GRIK2: variants seen among roughly 807,000 people sequenced by gnomAD.
GRIK2 encodes glutamate receptor ionotropic, kainate 2.
GRIK2 carries 32 observed loss-of-function variants against 100.3 expected under a neutral mutation model. That is an observed-to-expected ratio of 0.32 (90% CI 0.24 to 0.43). The LOEUF (loss-of-function observed/expected upper bound fraction) is 0.43. GRIK2 is among the 20% of genes least tolerant of loss of function. The pLI is 1.00. For missense variants in GRIK2, 843 were observed against 1,114.9 expected (o/e 0.76, Z 3.47); for synonymous variants, 417 against 389.4 (o/e 1.07, Z -0.83).
chr6:101,962,097 G>T (rs1490432589), intron 14 of GRIK2, among the ~76,000 whole-genome samples: 1 of 152,142 alleles, frequency 6.6e-6, no homozygotes, highest in Non-Finnish European at 1.5e-5. Flanking sequence ...TGACACAGGG[G>T]TGAGGGGAGC....
chr6:101,477,799 G>A (rs1228997492), intron 2 of GRIK2, among the ~76,000 whole-genome samples: 1 of 152,168 alleles, frequency 6.6e-6, no homozygotes, highest in African/African-American at 2.4e-5. Context: ...ACTTCAAATA[G>A]ATTAAGCACT....
intron 14 of GRIK2, chr6:101,993,914 A>C (rs1370958157): frequency 6.8e-6 from 1 of 146,226 alleles, no homozygotes; most frequent in Non-Finnish European, 1.5e-5. Context: ...ATATATTAAT[A>C]TACATTGTAT....
chr6:101,779,503 A>G (rs1297512824), intron 7 of GRIK2, among the ~76,000 whole-genome samples: 1 of 152,240 alleles, frequency 6.6e-6, no homozygotes, highest in East Asian at 1.9e-4. Context: ...TGCAAAACAA[A>G]ACAAGTTTTT....
intron 2 of GRIK2, among the ~76,000 whole-genome samples, chr6:101,535,551 C>A (rs567467194): frequency 2.1e-4 from 32 of 151,792 alleles, no homozygotes; most frequent in Non-Finnish European, 4.0e-4. Context: ...GGTAATCAAA[C>A]AATTACCAAT....
chr6:101,694,629 G>A (rs1772347936), intron 7 of GRIK2, among the ~76,000 whole-genome samples: 2 of 151,954 alleles, frequency 1.3e-5, no homozygotes, highest in East Asian at 3.9e-4. Flanking sequence ...GTTTATTACT[G>A]TAACTATAGT....
At chr6:101,960,879 G>A (rs1359713605) in intron 14 of GRIK2, among the ~76,000 whole-genome samples, 1 of 152,170 alleles carries the variant, frequency 6.6e-6, no homozygotes, top group Non-Finnish European at 1.5e-5. Context: ...TGTTTACTGA[G>A]AAGGGCTCTG....
rs550470427 is a variant in GRIK2 at position 101,747,230 on chromosome 6, A to T, written c.952-52418A>T. On this transcript the variant is annotated intron_variant, in intron 7 of 16. Coordinates refer to ENST00000369134, the MANE Select transcript of GRIK2 (RefSeq NM_021956.5). ...AGAATTTTAACACTTGGAACCCTTTAAAGGAACCCTTTAGCTTTCTGCCTA... is the reference window on the plus strand; with the variant it reads ...AGAATTTTAACACTTGGAACCCTTTTAAGGAACCCTTTAGCTTTCTGCCTA... 3.3e-5 allele frequency among the ~76,000 whole-genome samples: 5 copies of T among 152,294 alleles called. No homozygotes were observed. In the South Asian group the frequency reaches 1.0e-3, roughly 32 times the overall value.
chr6:102,021,931 C>T (rs1191372860), intron 14 of GRIK2, among the ~76,000 whole-genome samples: 8 of 147,242 alleles, frequency 5.4e-5, no homozygotes, highest in East Asian at 2.0e-4. Context: ...TCAAACACAA[C>T]GTGGCCAGGA....
intron 10 of GRIK2, among the ~76,000 whole-genome samples, chr6:101,832,834 A>G (rs1298559060): frequency 1.4e-4 from 21 of 152,224 alleles, no homozygotes; most frequent in South Asian, 4.1e-4. Flanking sequence ...CTGTAATCAA[A>G]GAACTGTCTA....
intron 2 of GRIK2, among the ~76,000 whole-genome samples, chr6:101,428,097 T>C (rs1769148453): frequency 6.6e-6 from 1 of 152,222 alleles, no homozygotes; most frequent in East Asian, 1.9e-4. Context: ...AATCCACATT[T>C]TATCACCTAT....
intron 12 of GRIK2, among the ~76,000 whole-genome samples, chr6:101,908,794 C>T (rs1037828085): frequency 5.2e-5 from 2 of 38,492 alleles, no homozygotes; most frequent in African/African-American, 2.5e-4. Flanking sequence ...ATATAATGTT[C>T]ATAGCACATT....
At chr6:101,695,481 A>G (rs536417297) in intron 7 of GRIK2, among the ~76,000 whole-genome samples, 28 of 152,272 alleles carry the variant, frequency 1.8e-4, no homozygotes, top group South Asian at 1.0e-3. Flanking sequence ...GTGAATAGTA[A>G]GCAATATTCA....
chr6:101,690,865 T>G (rs562954093), intron 7 of GRIK2, among the ~76,000 whole-genome samples: 8 of 152,330 alleles, frequency 5.3e-5, no homozygotes, highest in African/African-American at 1.9e-4. Context: ...TTCTGTTACC[T>G]TTTAGATTGA....
Position 102,040,431 on chromosome 6 carries a change from T to C in GRIK2, c.2311+4865T>C, listed in dbSNP as rs547360962. Among the ~76,000 whole-genome samples, 33 of 151,690 alleles carry C rather than the reference T, an allele frequency of 2.2e-4. 2 individuals are homozygous for C. In the South Asian group the frequency reaches 6.8e-3, roughly 31 times the overall value. ...TAACTTTTATCAAATTATAATGTAC[T>C]TACCCATAATTAGCCTAAAGTAAAA... On this transcript the variant is annotated intron_variant, in intron 15 of 16. Coordinates refer to ENST00000369134, the MANE Select transcript of GRIK2 (RefSeq NM_021956.5).
chr6:101,834,700 A>G (rs116663685), intron 10 of GRIK2, among the ~76,000 whole-genome samples: 3,707 of 152,278 alleles, frequency 0.024, 166 homozygotes, highest in African/African-American at 0.084. Flanking sequence ...AGGGAAATTT[A>G]GACAATTTTG....
At chr6:101,529,731 A>G (rs1349078311) in intron 2 of GRIK2, among the ~76,000 whole-genome samples, 1 of 152,118 alleles carries the variant, frequency 6.6e-6, no homozygotes, top group Non-Finnish European at 1.5e-5. Context: ...ATTAGAATCC[A>G]AGGTTGAAAG....
intron 4 of GRIK2, among the ~76,000 whole-genome samples, chr6:101,672,862 A>G (rs1582934381): frequency 1.3e-5 from 2 of 152,276 alleles, no homozygotes; most frequent in Middle Eastern, 3.4e-3. Context: ...CTTTACTATC[A>G]TGAATAGTGC....
intron 14 of GRIK2, among the ~76,000 whole-genome samples, chr6:101,977,915 G>A (rs57967189): frequency 0.012 from 1,836 of 152,056 alleles, 36 homozygotes; most frequent in African/African-American, 0.042. Flanking sequence ...TGGACTATAT[G>A]ACAAACATAC....
rs573292190 is a variant in GRIK2 at position 101,684,320 on chromosome 6, G to A, written c.777+1714G>A. Reference sequence around the variant, plus strand: ...GAAAATAAATGAAACAACTAGTTTAGGATACATAGAACTCATAGGCCTACA... The same window carrying A: ...GAAAATAAATGAAACAACTAGTTTAAGATACATAGAACTCATAGGCCTACA... On this transcript the variant is annotated intron_variant, in intron 6 of 16. Transcript: ENST00000369134. Among the ~76,000 whole-genome samples, 23 of 152,252 alleles carry A rather than the reference G, an allele frequency of 1.5e-4. 1 individual carries two copies. The highest frequency in any genetic ancestry group is 3.6e-4 in the African/African-American group (15 of 41,542).
Sources: gnomAD v4.1 joint callset for allele counts (sites outside exome capture counted in the v4.1 genomes callset) on GRCh38, gnomAD v4.1.1 for gene constraint, MANE v1.5 for transcripts, NCBI Gene and HGNC (gene_info 2026-07-23, HGNC 2026-07-21) for gene names.